The following TULP1 variants were observed in gnomAD, a reference collection of about 807,000 sequenced individuals.
TULP1 encodes the protein TUB like protein 1.
In TULP1, 50 loss-of-function variants were observed where a neutral mutation model predicts 67.1. The ratio of observed to expected loss-of-function variants is 0.75; its 90% CI spans 0.59 to 0.94. The LOEUF (loss-of-function observed/expected upper bound fraction) is 0.94, where lower values mean the gene tolerates loss of function less well. Among genes scored for constraint, TULP1 ranks in the 40% least tolerant of loss-of-function variants. The pLI is 0.00. For synonymous variants in TULP1, 297 were observed against 294.0 expected (o/e 1.01, Z -0.11); for missense variants, 746 against 734.1 (o/e 1.02, Z -0.19).
intron 8 of TULP1, among the ~76,000 whole-genome samples, chr6:35,506,857 A>G (rs1761098245): frequency 6.6e-6 from 1 of 152,194 alleles, no homozygotes; most frequent in South Asian, 2.1e-4. Flanking sequence ...ACACTGTCTC[A>G]GGCAGTGAAG....
chr6:35,503,983 C>T lies in TULP1; in HGVS notation c.1113-135G>A. The T allele has an allele frequency of 1.5e-6, 1 of 668,816 alleles. No homozygotes were observed. The highest frequency in any genetic ancestry group is 2.6e-6 in the Non-Finnish European group (1 of 383,760). 41.4% of individuals were successfully genotyped at this position (668,816 alleles called of 1,614,324 possible). A position where few individuals can be genotyped will look rare whatever the true frequency, so the allele number is the denominator to read the frequency against. On this transcript the variant is annotated intron_variant, in intron 11 of 14. Transcript: ENST00000229771. This position sits in a 1 kb window ranked among gnomAD's most constrained non-coding sequence, Gnocchi z 4.0. Reference sequence around the variant, plus strand: ...GAGTTAGGACTGAGCAATTCATGTCCCCTGCCCCAGGCTTCCCCCTATGCA... The same window carrying T: ...GAGTTAGGACTGAGCAATTCATGTCTCCTGCCCCAGGCTTCCCCCTATGCA...
intron 13 of TULP1, among the ~76,000 whole-genome samples, chr6:35,502,998 C>T (rs1175127211): frequency 1.3e-5 from 2 of 152,138 alleles, no homozygotes; most frequent in Non-Finnish European, 2.9e-5. Flanking sequence ...AGTGCAGTGG[C>T]ACCATCTCGG....
chr6:35,502,551 T>A (rs538137808), intron 13 of TULP1, among the ~76,000 whole-genome samples: 1 of 151,644 alleles, frequency 6.6e-6, no homozygotes, highest in East Asian at 1.9e-4. Flanking sequence ...TGGAGTGCAG[T>A]GGCGTGATCT....
chr6:35,510,568 A>G, intron 5 of TULP1: 1 of 512,438 alleles, frequency 2.0e-6, no homozygotes, highest in Non-Finnish European at 3.5e-6. Context: ...AACAATTTCC[A>G]CTGAGTTAAA....
intron 8 of TULP1, among the ~76,000 whole-genome samples, chr6:35,507,102 C>T (rs928010820): frequency 1.3e-5 from 2 of 151,332 alleles, no homozygotes; most frequent in African/African-American, 4.9e-5. Context: ...GATCATGGGC[C>T]ACTCCAAGGT....
chr6:35,507,941 A>G lies in TULP1; in HGVS notation c.822+1268T>C, dbSNP rs192067056. Among the ~76,000 whole-genome samples the G allele has an allele frequency of 1.3e-3, 198 of 152,168 alleles. 2 individuals are homozygous for G. The highest frequency in any genetic ancestry group is 4.5e-3 in the African/African-American group (187 of 41,506). On this transcript the variant is annotated intron_variant, in intron 8 of 14. Transcript: ENST00000229771. ...GTGATTCTCCTGCCTCATCCTCCTA[A>G]GTAGCTGGGACTACAGGTGCGCATC...
In TULP1 at chr6:35,509,832, T is replaced by C; in HGVS notation, c.596A>G (p.Lys199Arg). 1 of 1,614,098 alleles carries C rather than the reference T, an allele frequency of 6.2e-7. No individual in the cohort carries two copies. The highest frequency in any genetic ancestry group is 8.5e-7 in the Non-Finnish European group (1 of 1,180,008). The part of the protein sequence containing the change: ...GEGTKMRKTK[K>R]KGSGEADKDP... ...CCTCCCTAGGCTGGGCTCACCTTTC[T>C]TCTTGGTCTTTCTCATCTTGGTCCC... Residue 199 changes from lysine (K) to arginine (R), a missense_variant, in exon 6 of 15, where the codon AAG becomes AGG. By Grantham distance (26) the Lys-to-Arg change is conservative. Around this residue, in one of 3 missense-constraint regions of TULP1, gnomAD observed 359 missense variants for 341.9 expected, o/e 1.05. Coordinates refer to ENST00000229771, the MANE Select transcript of TULP1 (RefSeq NM_003322.6).
In TULP1 at chr6:35,503,267, G is replaced by T; in HGVS notation, c.1323+292C>A. 2.4e-6 allele frequency: 1 copy of T among 410,570 alleles called. No individual in the cohort carries two copies. The highest frequency in any genetic ancestry group is 4.6e-6 in the Non-Finnish European group (1 of 217,220). 25.4% of individuals were successfully genotyped at this position (410,570 alleles called of 1,614,324 possible). Reference sequence around the variant, plus strand: ...GGTGCAGATCTTTGTTTTGTCCACTGATGTCTTCCAGGTGCCTAGGATAAT... The same window carrying T: ...GGTGCAGATCTTTGTTTTGTCCACTTATGTCTTCCAGGTGCCTAGGATAAT... On this transcript the variant is annotated intron_variant, in intron 13 of 14. Coordinates refer to ENST00000229771, the MANE Select transcript of TULP1 (RefSeq NM_003322.6). This position sits in a 1 kb window ranked among gnomAD's most constrained non-coding sequence, Gnocchi z 4.0.
At chr6:35,502,924 G>GT (rs1252841394) in intron 13 of TULP1, among the ~76,000 whole-genome samples, 2 of 151,526 alleles carry the variant, frequency 1.3e-5, no homozygotes, top group East Asian at 3.9e-4. Flanking sequence ...CAGAGCTTTG[G>GT]TTTTTTTGTT....
At chr6:35,511,880 C>A (rs1761213103) in intron 3 of TULP1, 74 bp from the exon 4 acceptor site, 2 of 1,441,894 alleles carry the variant, frequency 1.4e-6, no homozygotes, top group Non-Finnish European at 1.8e-6. Context: ...CCGCTACCCC[C>A]AAGCCTGGGC....
At chr6:35,511,459 A>AG (rs1014456006) in intron 4 of TULP1, among the ~76,000 whole-genome samples, 189 bp downstream of exon 4, 56 of 152,004 alleles carry the variant, frequency 3.7e-4, no homozygotes, top group African/African-American at 1.3e-3. Flanking sequence ...ACAATGGTGG[A>AG]GGGGGGGAAC....
Position 35,505,735 on chromosome 6 carries a change from C to G in TULP1, c.1112+6G>C. 1 of 1,614,060 alleles carries G rather than the reference C, an allele frequency of 6.2e-7. No individual in the cohort carries two copies. The highest frequency in any genetic ancestry group is 8.5e-7 in the Non-Finnish European group (1 of 1,179,992). On this transcript the variant is annotated splice_donor_region_variant and intron_variant, in intron 11 of 14. Transcript: ENST00000229771. ...GTCCCCCCAGCCCCAGGAAGCCCAG[C>G]CCCACCTCAGCTTCCCGATGAAATT...
At position 35,510,970 on chromosome 6, in the gene TULP1, C is replaced by CTCTTCCTCG; in HGVS notation, c.381_389dup (p.Asp127_Glu129dup). ...TTTTCTCTTTCTTTTCCTCTGCCTC[C>CTCTTCCTCG]TCTTCCTCGTCCTCCTCGTCCTCCT... is the stretch of plus-strand genomic sequence containing the variant. On this transcript the variant is annotated inframe_insertion, in exon 5 of 15. Coordinates refer to ENST00000229771, the MANE Select transcript of TULP1 (RefSeq NM_003322.6). The CTCTTCCTCG allele has an allele frequency of 6.2e-7, 1 of 1,603,388 alleles. No individual in the cohort carries two copies. The highest frequency in any genetic ancestry group is 2.2e-5 in the East Asian group (1 of 44,862).
chr6:35,505,764 C>T lies in TULP1; in HGVS notation c.1089G>A (p.Gly363=), dbSNP rs1761067295. The change falls in exon 11 of 15, where the codon GGG becomes GGA. Residue 363 remains glycine, a synonymous_variant. Transcript: ENST00000229771. ...ACCTCAGCTTCCCGATGAAATTCTCCCCTCCTCGGGACAGATTGGTAGGGT... is the reference window on the plus strand; with the variant it reads ...ACCTCAGCTTCCCGATGAAATTCTCTCCTCCTCGGGACAGATTGGTAGGGT... ...SIDPTNLSRG[G]ENFIGKLRSN... 6.2e-7 allele frequency: 1 copy of T among 1,614,084 alleles called. No homozygotes were observed. The highest frequency in any genetic ancestry group is 1.3e-5 in the African/African-American group (1 of 74,938).
At chr6:35,512,615 TC>T in intron 2 of TULP1, 23 bp downstream of exon 2, 1 of 1,613,808 alleles carries the variant, frequency 6.2e-7, no homozygotes, top group Non-Finnish European at 8.5e-7. Context: ...TCTTTCTGCT[TC>T]CTTTCCAAGT....
intron 13 of TULP1, among the ~76,000 whole-genome samples, chr6:35,500,506 A>G (rs936837013): frequency 4.6e-5 from 7 of 152,224 alleles, no homozygotes; most frequent in Admixed American, 2.6e-4. Context: ...CAAAGGGCAC[A>G]CAGTTGAGCT....
intron 14 of TULP1, among the ~76,000 whole-genome samples, chr6:35,499,773 T>G (rs1001153126): frequency 1.3e-5 from 2 of 152,178 alleles, no homozygotes; most frequent in African/African-American, 4.8e-5. Context: ...CCTGAAGTGA[T>G]GAGCCCCAAG....
In TULP1 at chr6:35,512,382, GA is replaced by G. The variant is rs1040229462; in HGVS notation, c.100-113del. 1.8e-4 allele frequency: 124 copies of G among 681,936 alleles called. No individual in the cohort carries two copies. In the African/African-American group the frequency reaches 2.1e-3, roughly 11 times the overall value. The allele number at this position is 681,936 out of a possible 1,614,324, so 42.2% of individuals were successfully genotyped here. On this transcript the variant is annotated intron_variant, in intron 2 of 14. Transcript: ENST00000229771. The stretch of plus-strand genomic sequence containing the variant: ...GAAATAACCGCAGATTATCCGGGGG[GA>G]ACTGCAGCCCCCTTCTTGGAGTGAG...
At chr6:35,508,205 G>T (rs115596023) in intron 8 of TULP1, among the ~76,000 whole-genome samples, 1 of 152,306 alleles carries the variant, frequency 6.6e-6, no homozygotes, top group Non-Finnish European at 1.5e-5. Context: ...AGGGACAAGT[G>T]ATCACCTGTT....
Sources: allele counts gnomAD v4.1 joint callset (sites outside exome capture counted in the v4.1 genomes callset), GRCh38; gene constraint gnomAD v4.1.1; regional missense constraint gnomAD v4.1.1; non-coding constraint Gnocchi (gnomAD v3.1); transcripts MANE v1.5; gene names NCBI Gene and HGNC (gene_info 2026-07-23, HGNC 2026-07-21).